ZNF486: variants seen among roughly 807,000 people sequenced by gnomAD.
ZNF486 encodes zinc finger protein 486.
A neutral mutation model predicts 12.8 loss-of-function variants in ZNF486; 12 were observed. That is an observed-to-expected ratio of 0.94 (90% confidence interval 0.60 to 1.52). ZNF486 has a LOEUF of 1.52. Among genes scored for constraint, ZNF486 ranks in the 40% most tolerant of loss-of-function variants. The pLI is 0.00. For missense variants in ZNF486, 738 were observed against 545.0 expected (o/e 1.35, Z -3.53); for synonymous variants, 231 against 184.9 (o/e 1.25, Z -2.02).
Position 20,198,085 on chromosome 19 carries a change from C to G in ZNF486, c.1375C>G (p.Gln459Glu). ...TAAACATAAGAGAATTCATATTGGA[C>G]AGAAACCAAGAACGTGACAAAGGAT... is the stretch of plus-strand genomic sequence containing the variant. Reference protein sequence around the residue: ...LNKHKRIHIGQKPRT With the variant: ...LNKHKRIHIGEKPRT Residue 459 changes from glutamine (Q) to glutamate (E), a missense_variant, in exon 4 of 4, where the codon CAG (glutamine) becomes GAG (glutamate). Gln to Glu is a conservative substitution (Grantham distance 29, BLOSUM62 2). Transcript: ENST00000335117. The G allele has an allele frequency of 6.3e-7, 1 of 1,593,706 alleles. No individual in the cohort carries two copies. Among genetic ancestry groups the G allele is most frequent in the Non-Finnish European group, 8.5e-7 (1 of 1,170,324 alleles).
intron 1 of ZNF486, among the ~76,000 whole-genome samples, chr19:20,170,101 A>G (rs1461841697): frequency 6.6e-6 from 1 of 151,154 alleles, no homozygotes; most frequent in Non-Finnish European, 1.5e-5. Flanking sequence ...CGTGTTAGCC[A>G]GGATGGTCTC....
chr19:20,195,468 T>A (rs528551434), intron 3 of ZNF486, among the ~76,000 whole-genome samples: 97 of 152,336 alleles, frequency 6.4e-4, no homozygotes, highest in African/African-American at 2.2e-3. Context: ...AACAGTGGGA[T>A]GTTCAATTCA....
At position 20,193,452 on chromosome 19, in the gene ZNF486, G is replaced by A. The variant is rs1352788578; in HGVS notation, c.254-3512G>A. Among the ~76,000 whole-genome samples, 6 of 152,042 alleles carry A rather than the reference G, an allele frequency of 3.9e-5. No homozygotes were observed. In the East Asian group the frequency reaches 9.7e-4, roughly 24 times the overall value. ...CGAGGTGGGTGAATCAGAAGGTCAG[G>A]AGTTCGAGAGCAGCCTGGCCAACAT... On this transcript the variant is annotated intron_variant, in intron 3 of 3. Coordinates refer to ENST00000335117, the MANE Select transcript of ZNF486 (RefSeq NM_052852.4).
In ZNF486 at chr19:20,197,185, T is replaced by C. The variant is rs781829426; in HGVS notation, c.475T>C (p.Tyr159His). 4 of 1,613,548 alleles carry C rather than the reference T, an allele frequency of 2.5e-6. No individual in the cohort carries two copies. Among genetic ancestry groups the C allele is most frequent in the African/African-American group, 1.3e-5 (1 of 74,998 alleles). The change falls in exon 4 of 4, where the codon TAT becomes CAT. Residue 159 changes from tyrosine to histidine, a missense_variant. Physicochemically the swap from Tyr to His is moderately conservative, Grantham distance 83. Transcript: ENST00000335117. ...TQSKIFQCGKYVKVFHQFSNS... is the reference protein window; with the variant it reads ...TQSKIFQCGKHVKVFHQFSNS... ...GAGCAAAATATTTCAATGTGGTAAA[T>C]ATGTGAAAGTCTTTCATCAATTTTC... is the stretch of plus-strand genomic sequence containing the variant.
intron 3 of ZNF486, 45 bp downstream of exon 3, chr19:20,186,127 G>A: frequency 6.9e-7 from 1 of 1,452,572 alleles, no homozygotes; most frequent in South Asian, 1.4e-5. Context: ...GCAGATAAGA[G>A]GTCCCAAGGT....
chr19:20,191,702 G>A (rs552220395), intron 3 of ZNF486, among the ~76,000 whole-genome samples: 6 of 152,098 alleles, frequency 3.9e-5, no homozygotes, highest in Non-Finnish European at 8.8e-5. Flanking sequence ...CCTGGGAGGC[G>A]GAGCTTGTAG....
At position 20,184,346 on chromosome 19, in the gene ZNF486, T is replaced by A; in HGVS notation, c.31-10T>A. ...CTTGGTGAAAATGTGTGTGTGTGTG[T>A]GTTTTTCAGGAATCATTGCAATTTA... is the stretch of plus-strand genomic sequence containing the variant. On this transcript the variant is annotated splice_polypyrimidine_tract_variant and intron_variant, in intron 1 of 3. Transcript: ENST00000335117. 1 of 1,612,156 alleles carries A rather than the reference T, an allele frequency of 6.2e-7. No individual in the cohort carries two copies. The highest frequency in any genetic ancestry group is 8.5e-7 in the Non-Finnish European group (1 of 1,178,862).
Position 20,198,224 on chromosome 19 carries a change from C to G in ZNF486, c.*122C>G, listed in dbSNP as rs1168971080. 1.0e-5 allele frequency: 8 copies of G among 789,432 alleles called. No homozygotes were observed. Among genetic ancestry groups the G allele is most frequent in the African/African-American group, 1.8e-5 (1 of 57,068 alleles). 48.9% of individuals were successfully genotyped at this position (789,432 alleles called of 1,614,324 possible). On this transcript the variant is annotated 3_prime_UTR_variant, in exon 4 of 4. Transcript: ENST00000335117. ...CTCCACCTTCTGGGTTCAAGTAACTCTCCTTAGTAGCTAGGATTACAGGGC... is the reference window on the plus strand; with the variant it reads ...CTCCACCTTCTGGGTTCAAGTAACTGTCCTTAGTAGCTAGGATTACAGGGC...
chr19:20,173,831 C>CAA (rs541187774), intron 1 of ZNF486, among the ~76,000 whole-genome samples: 1 of 122,336 alleles, frequency 8.2e-6, no homozygotes, highest in Non-Finnish European at 1.7e-5. Flanking sequence ...GACTCCGTCT[C>CAA]AAAAAAAAAA....
chr19:20,167,575 C>A (rs2089598616), intron 1 of ZNF486, among the ~76,000 whole-genome samples: 1 of 152,162 alleles, frequency 6.6e-6, no homozygotes, highest in African/African-American at 2.4e-5. Flanking sequence ...AGTGACCGTG[C>A]CCTGGCCTGG....
chr19:20,181,470 CG>C (rs1434045167), intron 1 of ZNF486, among the ~76,000 whole-genome samples: 15 of 149,508 alleles, frequency 1.0e-4, no homozygotes, highest in African/African-American at 2.5e-4. Flanking sequence ...ACCCAGGAGG[CG>C]GAGCTTGCAG....
intron 1 of ZNF486, among the ~76,000 whole-genome samples, chr19:20,173,517 A>C (rs1279003128): frequency 1.3e-5 from 2 of 152,138 alleles, no homozygotes; most frequent in African/African-American, 4.8e-5. Context: ...GGTGTCCAAG[A>C]GTTCAAAACT....
chr19:20,178,988 C>T (rs1252320891), intron 1 of ZNF486, among the ~76,000 whole-genome samples: 1 of 152,176 alleles, frequency 6.6e-6, no homozygotes, highest in Admixed American at 6.5e-5. Flanking sequence ...ACACCTGCTG[C>T]TCCTCCTGCC....
At chr19:20,173,322 C>A (rs1438934664) in intron 1 of ZNF486, among the ~76,000 whole-genome samples, 1 of 152,128 alleles carries the variant, frequency 6.6e-6, no homozygotes, top group African/African-American at 2.4e-5. Context: ...AAGAGAGAAT[C>A]CTTCCCACAT....
At chr19:20,170,492 G>C (rs2089637351) in intron 1 of ZNF486, among the ~76,000 whole-genome samples, 1 of 151,900 alleles carries the variant, frequency 6.6e-6, no homozygotes. Context: ...GCTTGAACCT[G>C]GGAGGTGAAG....
intron 3 of ZNF486, among the ~76,000 whole-genome samples, chr19:20,186,791 T>A (rs1374475323): frequency 6.7e-6 from 1 of 148,194 alleles, no homozygotes; most frequent in African/African-American, 2.5e-5. Flanking sequence ...TAGGTTTTTT[T>A]TTTTTTTTTT....
chr19:20,197,124 T>A lies in ZNF486; in HGVS notation c.414T>A (p.Gly138=), dbSNP rs1364104860. The A allele has an allele frequency of 8.1e-6, 13 of 1,613,542 alleles. No homozygotes were observed. The highest frequency in any genetic ancestry group is 1.0e-5 in the Non-Finnish European group (12 of 1,179,908). The change falls in exon 4 of 4, where the codon GGT becomes GGA. Residue 138 remains glycine (G), a synonymous_variant. Transcript: ENST00000335117. The part of the protein sequence containing the change: ...SVDECKLHKR[G]YNGLNQCLTT... ...ATGAGTGTAAGTTACACAAAAGAGGTTATAATGGACTTAACCAATGTTTGA... is the reference window on the plus strand; with the variant it reads ...ATGAGTGTAAGTTACACAAAAGAGGATATAATGGACTTAACCAATGTTTGA...
intron 1 of ZNF486, among the ~76,000 whole-genome samples, chr19:20,170,188 C>G (rs2089634196): frequency 1.3e-5 from 2 of 151,920 alleles, no homozygotes; most frequent in Admixed American, 6.6e-5. Flanking sequence ...TGAGCCACCG[C>G]GCCCGGCCAA....
intron 1 of ZNF486, among the ~76,000 whole-genome samples, chr19:20,181,652 A>G (rs1599705609): frequency 6.6e-6 from 1 of 152,148 alleles, no homozygotes. Context: ...CTTGTTTTCT[A>G]TTCTTGCAGA....
Sources: allele counts gnomAD v4.1 joint callset (sites outside exome capture counted in the v4.1 genomes callset), GRCh38; gene constraint gnomAD v4.1.1; transcripts MANE v1.5; gene names NCBI Gene and HGNC (gene_info 2026-07-23, HGNC 2026-07-21).